CUX1: variants seen among roughly 807,000 people sequenced by gnomAD.
CUX1 encodes cut like homeobox 1, also known as protein CASP.
In CUX1, 31 loss-of-function variants were observed where a neutral mutation model predicts 158.8. The ratio of observed to expected loss-of-function variants is 0.20; its 90% CI spans 0.15 to 0.26. The LOEUF (loss-of-function observed/expected upper bound fraction) is 0.26. Ranked by LOEUF, CUX1 falls within the 10% of genes least tolerant of loss-of-function variation. CUX1 has a pLI of 1.00. For missense variants in CUX1, 1,589 were observed against 2,014.6 expected (o/e 0.79, Z 4.04); for synonymous variants, 879 against 862.1 (o/e 1.02, Z -0.34).
chr7:102,204,762 T>C (rs1186651878), intron 19 of CUX1, among the ~76,000 whole-genome samples: 1 of 152,236 alleles, frequency 6.6e-6, no homozygotes, highest in African/African-American at 2.4e-5. Context: ...CTTCAGTGTT[T>C]AGGAGAGATC....
intron 2 of CUX1, among the ~76,000 whole-genome samples, chr7:101,952,509 A>G (rs777325165): frequency 3.9e-5 from 6 of 152,202 alleles, no homozygotes; most frequent in Non-Finnish European, 7.3e-5. Flanking sequence ...GAACCCTGCT[A>G]CGGAACCCCG....
At chr7:102,178,941 T>A (rs900608364) in intron 11 of CUX1, among the ~76,000 whole-genome samples, 45 of 152,192 alleles carry the variant, frequency 3.0e-4, no homozygotes, top group Admixed American at 6.5e-5. Flanking sequence ...CTCGGCTCAC[T>A]GCAGCCTCCG....
At chr7:101,949,420 G>A (rs1808782964) in intron 2 of CUX1, among the ~76,000 whole-genome samples, 1 of 151,764 alleles carries the variant, frequency 6.6e-6, no homozygotes, top group African/African-American at 2.4e-5. Flanking sequence ...ATAAGCCACC[G>A]CACCCAGCCA....
intron 20 of CUX1, among the ~76,000 whole-genome samples, chr7:102,281,487 A>T (rs1478485321): frequency 1.3e-5 from 2 of 152,086 alleles, no homozygotes; most frequent in African/African-American, 4.8e-5. Context: ...ACATAGTGAA[A>T]CCCTATCTCT....
chr7:102,057,358 TA>T (rs1043340622), intron 3 of CUX1, among the ~76,000 whole-genome samples: 4 of 152,224 alleles, frequency 2.6e-5, no homozygotes, highest in African/African-American at 7.2e-5. Context: ...ACTCAAGTCT[TA>T]TTTTTTAAGA....
chr7:101,990,507 G>C (rs1344325414), intron 2 of CUX1, among the ~76,000 whole-genome samples: 2 of 152,118 alleles, frequency 1.3e-5, no homozygotes, highest in Non-Finnish European at 2.9e-5. Context: ...CTCCCAAGTA[G>C]CTGGGATTAC....
Position 102,178,676 on chromosome 7 carries a change from C to A in CUX1, c.1017+19C>A. On this transcript the variant is annotated intron_variant, in intron 11 of 23. Coordinates refer to ENST00000292535, the MANE Select transcript of CUX1 (RefSeq NM_181552.4). ...ACTCAAAGTAAGGGGGCTGCGGGGC[C>A]CGGGGGTGGCCCGAGGAGGCAGGGC... 6.3e-7 allele frequency: 1 copy of A among 1,591,576 alleles called. No homozygotes were observed. Among genetic ancestry groups the A allele is most frequent in the South Asian group, 1.1e-5 (1 of 88,772 alleles).
chr7:102,281,961 C>A, intron 21 of CUX1: 1 of 1,402,858 alleles, frequency 7.1e-7, no homozygotes, highest in Non-Finnish European at 1.0e-6. Flanking sequence ...CATTCACCAT[C>A]CCCAGCCCTG....
intron 2 of CUX1, among the ~76,000 whole-genome samples, chr7:101,956,529 TA>T (rs2129167586): frequency 6.6e-6 from 1 of 152,262 alleles, no homozygotes; most frequent in Admixed American, 6.5e-5. Flanking sequence ...TCTTCAGGGG[TA>T]AACTGGTATA....
At chr7:102,180,941 ATTTTATTTTATTTTATT>A (rs1427305354) in intron 11 of CUX1, among the ~76,000 whole-genome samples, 3,417 of 133,462 alleles carry the variant, frequency 0.026, 126 homozygotes, top group African/African-American at 0.1. Context: ...ATTTTATTTT[ATTTTATTTTATTTTATT>A]TGAGACGGAA....
At chr7:102,033,826 A>T (rs1367098203) in intron 3 of CUX1, among the ~76,000 whole-genome samples, 1 of 152,090 alleles carries the variant, frequency 6.6e-6, no homozygotes, top group Non-Finnish European at 1.5e-5. Flanking sequence ...ACAAGACAAG[A>T]ACAGTACAAG....
intron 2 of CUX1, among the ~76,000 whole-genome samples, chr7:101,937,314 CCAT>C (rs1464170728): frequency 6.6e-6 from 1 of 152,154 alleles, no homozygotes; most frequent in Non-Finnish European, 1.5e-5. Context: ...GACCTAAAAG[CCAT>C]CTCCAGGTCA....
chr7:101,889,627 C>G (rs904323652), intron 1 of CUX1, among the ~76,000 whole-genome samples: 2 of 152,090 alleles, frequency 1.3e-5, no homozygotes, highest in Admixed American at 6.5e-5. Flanking sequence ...AAAAAATTAG[C>G]TGGGCCTGGT....
chr7:102,025,039 T>C (rs1819823681), intron 2 of CUX1, among the ~76,000 whole-genome samples: 1 of 152,140 alleles, frequency 6.6e-6, no homozygotes, highest in African/African-American at 2.4e-5. Context: ...CCTGGCAGTT[T>C]CCAGCCTCTC....
At chr7:102,151,323 C>A (rs1469537040) in intron 8 of CUX1, among the ~76,000 whole-genome samples, 1 of 152,036 alleles carries the variant, frequency 6.6e-6, no homozygotes, top group African/African-American at 2.4e-5. Flanking sequence ...GAGGCCGAGG[C>A]GGGTGGATCA....
chr7:101,821,625 A>G (rs1328935819), intron 1 of CUX1, among the ~76,000 whole-genome samples: 1 of 141,514 alleles, frequency 7.1e-6, no homozygotes, highest in Non-Finnish European at 1.5e-5. Flanking sequence ...GGCGTGAGCC[A>G]CCGTGCCCGG....
At chr7:102,097,812 A>T (rs1043016716) in intron 5 of CUX1, among the ~76,000 whole-genome samples, 4 of 152,246 alleles carry the variant, frequency 2.6e-5, no homozygotes, top group African/African-American at 9.6e-5. Context: ...AGGCCCATGC[A>T]TTGCCTCCAG....
chr7:102,279,564 A>C (rs1554548653), intron 18 of CUX1, among the ~76,000 whole-genome samples: 1 of 151,536 alleles, frequency 6.6e-6, no homozygotes, highest in Non-Finnish European at 1.5e-5. Context: ...GCAGGGATTC[A>C]CCTCTCCCTC....
chr7:101,947,156 A>G (rs1343784002), intron 2 of CUX1, among the ~76,000 whole-genome samples: 1 of 152,172 alleles, frequency 6.6e-6, no homozygotes, highest in Non-Finnish European at 1.5e-5. Context: ...TAGGAGGCTG[A>G]GGCGGGAGGA....
Sources: gnomAD v4.1 joint callset for allele counts (sites outside exome capture counted in the v4.1 genomes callset) on GRCh38, gnomAD v4.1.1 for gene constraint, MANE v1.5 for transcripts, NCBI Gene and HGNC (gene_info 2026-07-23, HGNC 2026-07-21) for gene names.